ELOVL2: variants seen among roughly 807,000 people sequenced by gnomAD.
ELOVL2 encodes ELOVL fatty acid elongase 2.
Under a neutral mutation model 37.7 loss-of-function variants are expected in ELOVL2, and 38 were observed. The observed-to-expected ratio is 1.01, with a 90% CI of 0.78 to 1.32. ELOVL2 has a LOEUF of 1.32. Ranked by LOEUF, ELOVL2 falls within the 40% of genes most tolerant of loss-of-function variation. The probability of loss-of-function intolerance (pLI) is 0.00; values close to 1 mark genes in which losing one functional copy is unlikely to be tolerated. For missense variants in ELOVL2, 352 were observed against 363.6 expected, an observed-to-expected ratio of 0.97 and a Z score of 0.26; for synonymous variants, 115 against 122.3, an observed-to-expected ratio of 0.94 and a Z score of 0.40.
intron 1 of ELOVL2, among the ~76,000 whole-genome samples, chr6:11,017,189 C>G (rs1232236371): frequency 6.6e-6 from 1 of 152,140 alleles, no homozygotes; most frequent in African/African-American, 2.4e-5. Context: ...ATACTGGTTA[C>G]TGTTTATTAA....
At chr6:11,014,701 T>C (rs1171810794) in intron 1 of ELOVL2, among the ~76,000 whole-genome samples, 4 of 151,822 alleles carry the variant, frequency 2.6e-5, no homozygotes, top group Non-Finnish European at 4.4e-5. Context: ...TAGATTGGAG[T>C]TGGTAAACAA....
chr6:11,009,869 A>G (rs1321740354), intron 2 of ELOVL2, among the ~76,000 whole-genome samples: 4 of 152,150 alleles, frequency 2.6e-5, no homozygotes, highest in Non-Finnish European at 2.9e-5. Context: ...ATTCCAGCTG[A>G]CACTGAATAA....
chr6:11,043,375 A>T (rs977798281), intron 1 of ELOVL2: 3 of 150,202 alleles, frequency 2.0e-5, no homozygotes, highest in Non-Finnish European at 4.4e-5. Flanking sequence ...TGCTACTAAA[A>T]CTGTCAGGCA....
Position 10,983,648 on chromosome 6 carries a change from AT to A in ELOVL2, c.*132del. On this transcript the variant is annotated 3_prime_UTR_variant, in exon 8 of 8. Coordinates refer to ENST00000354666, the MANE Select transcript of ELOVL2 (RefSeq NM_017770.4). ...TAACCTAATAGCAATATATTAATAC[AT>A]TCTGGGTACAAATGATTTATGAACT... 1.0e-6 allele frequency: 1 copy of A among 1,000,304 alleles called. No individual in the cohort carries two copies. The allele number at this position is 1,000,304 out of a possible 1,614,324, so 62.0% of individuals were successfully genotyped here.
At chr6:11,019,003 A>C (rs1782724991) in intron 1 of ELOVL2, among the ~76,000 whole-genome samples, 1 of 152,152 alleles carries the variant, frequency 6.6e-6, no homozygotes, top group African/African-American at 2.4e-5. Flanking sequence ...TAGTATTCTG[A>C]AAGTGGCCTG....
intron 1 of ELOVL2, among the ~76,000 whole-genome samples, chr6:11,021,022 A>T (rs1782758904): frequency 6.6e-6 from 1 of 152,204 alleles, no homozygotes; most frequent in African/African-American, 2.4e-5. Flanking sequence ...AGGAACTAGC[A>T]TTCTTATCTG....
rs147544284 is a variant in ELOVL2 at position 11,031,952 on chromosome 6, G to A, written c.3+12276C>T. Among the ~76,000 whole-genome samples the A allele has an allele frequency of 2.2e-3, 341 of 152,162 alleles. 1 individual carries two copies. The highest frequency in any genetic ancestry group is 3.8e-3 in the Non-Finnish European group (261 of 68,002). On this transcript the variant is annotated intron_variant, in intron 1 of 7. Transcript: ENST00000354666. ...TAGTGCTACTCCTCTCTTATAGCAAGTTCCCATATCTGCACCAGACTTTCT... is the reference window on the plus strand; with the variant it reads ...TAGTGCTACTCCTCTCTTATAGCAAATTCCCATATCTGCACCAGACTTTCT...
chr6:11,011,432 T>A (rs1347804496), intron 1 of ELOVL2, among the ~76,000 whole-genome samples: 1 of 152,064 alleles, frequency 6.6e-6, no homozygotes, highest in Non-Finnish European at 1.5e-5. Context: ...TCTAAAATGC[T>A]TATAGGCAAA....
Position 10,999,718 on chromosome 6 carries a change from T to A in ELOVL2, c.333+369A>T, listed in dbSNP as rs976820025. ...TTTAGTTTATCCTCTCGTTTCTTTT[T>A]AAAAATATAAGCAAATACACATACA... On this transcript the variant is annotated intron_variant, in intron 4 of 7. Coordinates refer to ENST00000354666, the MANE Select transcript of ELOVL2 (RefSeq NM_017770.4). 2.6e-5 allele frequency among the ~76,000 whole-genome samples: 4 copies of A among 152,176 alleles called. No individual in the cohort carries two copies. The East Asian group carries it at 7.7e-4, about 29-fold the overall frequency.
chr6:10,996,407 G>A (rs78028646), intron 4 of ELOVL2, among the ~76,000 whole-genome samples: 2,541 of 152,216 alleles, frequency 0.017, 66 homozygotes, highest in African/African-American at 0.057. Context: ...TTTTGAAGAC[G>A]TTTTTAAAAT....
At chr6:11,012,035 T>A (rs1289344174) in intron 1 of ELOVL2, among the ~76,000 whole-genome samples, 1 of 152,202 alleles carries the variant, frequency 6.6e-6, no homozygotes, top group Non-Finnish European at 1.5e-5. Context: ...ATTAATTTGC[T>A]GGCATCTGAA....
chr6:11,004,431 T>C (rs886367830), intron 3 of ELOVL2, among the ~76,000 whole-genome samples: 12 of 150,488 alleles, frequency 8.0e-5, no homozygotes, highest in Admixed American at 2.6e-4. Flanking sequence ...TTTTTTTTTT[T>C]CTACAGCAAG....
Position 10,990,444 on chromosome 6 carries a change from T to C in ELOVL2, c.506-2A>G, listed in dbSNP as rs767678458. ...TGTTCAGTGTTGGTCCAAAGAAACC[T>C]ATAAAAGTACAGTATAAAAATCACT... On this transcript the variant is annotated splice_acceptor_variant, in intron 5 of 7. Transcript: ENST00000354666. LOFTEE classifies it high-confidence loss of function. 1 of 1,585,804 alleles carries C rather than the reference T, an allele frequency of 6.3e-7. No individual in the cohort carries two copies. The highest frequency in any genetic ancestry group is 1.2e-5 in the South Asian group (1 of 83,592).
At chr6:11,028,258 A>C (rs1374877534) in intron 1 of ELOVL2, among the ~76,000 whole-genome samples, 1 of 152,224 alleles carries the variant, frequency 6.6e-6, no homozygotes, top group Non-Finnish European at 1.5e-5. Context: ...TTTTAATGCC[A>C]TAATAGATTA....
At chr6:11,019,163 A>G (rs1471052198) in intron 1 of ELOVL2, among the ~76,000 whole-genome samples, 1 of 152,340 alleles carries the variant, frequency 6.6e-6, no homozygotes, top group African/African-American at 2.4e-5. Context: ...TACTGCTGAA[A>G]TCAAGTCTTA....
intron 1 of ELOVL2, among the ~76,000 whole-genome samples, chr6:11,030,341 C>CCTCT (rs1466071716): frequency 2.0e-5 from 3 of 152,096 alleles, no homozygotes; most frequent in East Asian, 3.9e-4. Flanking sequence ...TCTTAACAGA[C>CCTCT]CTCTGATCTG....
chr6:11,038,142 G>T (rs1317133831), intron 1 of ELOVL2, among the ~76,000 whole-genome samples: 1 of 152,168 alleles, frequency 6.6e-6, no homozygotes, highest in Non-Finnish European at 1.5e-5. Context: ...TGTAAAGTAG[G>T]TATGTTGCTA....
At chr6:11,002,213 C>T (rs560981088) in intron 3 of ELOVL2, among the ~76,000 whole-genome samples, 86 of 152,344 alleles carry the variant, frequency 5.6e-4, no homozygotes, top group African/African-American at 2.0e-3. Context: ...GTCATTCAGT[C>T]TCAACTCCAA....
intron 1 of ELOVL2, among the ~76,000 whole-genome samples, chr6:11,012,794 T>C (rs1009631290): frequency 7.9e-5 from 12 of 152,254 alleles, no homozygotes; most frequent in Non-Finnish European, 1.6e-4. Context: ...TTGAGGATTT[T>C]ATATACTAGC....
Sources: allele counts gnomAD v4.1 joint callset (sites outside exome capture counted in the v4.1 genomes callset), GRCh38; gene constraint gnomAD v4.1.1; transcripts MANE v1.5; gene names NCBI Gene and HGNC (gene_info 2026-07-23, HGNC 2026-07-21).